Variants in APBB2 observed in about 807,000 individuals in gnomAD.
APBB2 encodes Fe65-like 1.
Under a neutral mutation model 82.5 loss-of-function variants are expected in APBB2, and 38 were observed. The observed-to-expected ratio is 0.46, with a 90% CI of 0.36 to 0.60. The LOEUF is 0.60. APBB2 is among the 20% of genes least tolerant of loss of function. The probability of loss-of-function intolerance (pLI) is 0.00; values close to 1 mark genes in which losing one functional copy is unlikely to be tolerated. For synonymous variants in APBB2, 341 were observed against 368.2 expected, an observed-to-expected ratio of 0.93 and a Z score of 0.85; for missense variants, 772 against 972.3, an observed-to-expected ratio of 0.79 and a Z score of 2.74.
chr4:40,929,489 T>C (rs1483570644), intron 10 of APBB2, among the ~76,000 whole-genome samples: 8 of 152,016 alleles, frequency 5.3e-5, no homozygotes, highest in South Asian at 2.1e-4. Context: ...TTAGTAGAGA[T>C]GGGGTTTCAC....
At chr4:41,084,282 G>A (rs1367519239) in intron 3 of APBB2, among the ~76,000 whole-genome samples, 1 of 152,138 alleles carries the variant, frequency 6.6e-6, no homozygotes, top group East Asian at 1.9e-4. Flanking sequence ...AAATTAACCA[G>A]GCATGGTGGC....
intron 4 of APBB2, among the ~76,000 whole-genome samples, chr4:41,047,763 TG>T (rs762106860): frequency 1.3e-5 from 2 of 152,240 alleles, no homozygotes; most frequent in South Asian, 2.1e-4. Flanking sequence ...GCTGGTAACA[TG>T]GCGACTCCAA....
intron 6 of APBB2, among the ~76,000 whole-genome samples, chr4:40,967,236 G>A (rs1477563298): frequency 6.6e-6 from 1 of 152,126 alleles, no homozygotes; most frequent in Non-Finnish European, 1.5e-5. Flanking sequence ...TCTTCACCTT[G>A]CTCACCCTCT....
At chr4:40,848,454 G>A (rs1183032482) in intron 12 of APBB2, among the ~76,000 whole-genome samples, 3 of 152,164 alleles carry the variant, frequency 2.0e-5, no homozygotes, top group Non-Finnish European at 1.5e-5. Flanking sequence ...CTTTCCTGCC[G>A]TGTAGCTCTG....
chr4:41,111,841 G>A (rs2153982103), intron 2 of APBB2, among the ~76,000 whole-genome samples: 1 of 152,270 alleles, frequency 6.6e-6, no homozygotes, highest in Admixed American at 6.5e-5. Flanking sequence ...CCCTTAACAA[G>A]CAGTCGCCAT....
chr4:40,935,298 CCTCT>C, intron 7 of APBB2, 159 bp from the exon 8 acceptor site: 1 of 596,564 alleles, frequency 1.7e-6, no homozygotes, highest in Non-Finnish European at 2.9e-6. Context: ...TGGCTCACTC[CCTCT>C]ATGTCTAGAT....
At chr4:40,817,910 G>A (rs566259605) in intron 17 of APBB2, among the ~76,000 whole-genome samples, 3 of 152,036 alleles carry the variant, frequency 2.0e-5, no homozygotes, top group African/African-American at 4.8e-5. Flanking sequence ...CACACACATC[G>A]AAAGCACGGA....
At chr4:40,817,357 G>A (rs1746107075) in intron 17 of APBB2, among the ~76,000 whole-genome samples, 1 of 152,100 alleles carries the variant, frequency 6.6e-6, no homozygotes, top group African/African-American at 2.4e-5. Flanking sequence ...GCAGTGAGCT[G>A]TGAGCATGGC....
chr4:40,898,880 C>CACACACACACACACACACAG (rs148917018), intron 10 of APBB2, among the ~76,000 whole-genome samples: 95 of 149,630 alleles, frequency 6.3e-4, no homozygotes, highest in African/African-American at 2.3e-3. Flanking sequence ...CACACACACA[C>CACACACACACACACACACAG]AGAACACTGG....
At chr4:40,992,467 T>G (rs1447298197) in intron 6 of APBB2, among the ~76,000 whole-genome samples, 1 of 152,014 alleles carries the variant, frequency 6.6e-6, no homozygotes, top group African/African-American at 2.4e-5. Context: ...TGTGAGCCAC[T>G]GCACCAGATT....
chr4:40,992,374 T>G (rs1316753249), intron 6 of APBB2, among the ~76,000 whole-genome samples: 1 of 145,384 alleles, frequency 6.9e-6, no homozygotes, highest in Non-Finnish European at 1.5e-5. Flanking sequence ...GGGGGGGTCT[T>G]TCTATGTTGC....
Position 40,835,222 on chromosome 4 carries a change from G to A in APBB2, c.1530-4645C>T, listed in dbSNP as rs185457852. Among the ~76,000 whole-genome samples the A allele has an allele frequency of 5.3e-3, 807 of 151,078 alleles. 10 individuals carry two copies. The highest frequency in any genetic ancestry group is 0.018 in the African/African-American group (758 of 41,040). ...ACCCGGGAGGTGGAGGTTGCAGTGA[G>A]CCGAGATCGCGCCACTGCACTCCAG... On this transcript the variant is annotated intron_variant, in intron 12 of 17. Transcript: ENST00000508593.
At chr4:40,983,527 G>C (rs145745562) in intron 6 of APBB2, among the ~76,000 whole-genome samples, 50 of 151,954 alleles carry the variant, frequency 3.3e-4, no homozygotes, top group Non-Finnish European at 6.3e-4. Context: ...AGCTGACTTA[G>C]TACAATGTCA....
chr4:40,906,464 C>CAAAAAAAAAAA (rs5857755), intron 10 of APBB2, among the ~76,000 whole-genome samples: 8 of 67,990 alleles, frequency 1.2e-4, no homozygotes, highest in African/African-American at 3.9e-4. Flanking sequence ...AAACCTGTCT[C>CAAAAAAAAAAA]AAAAAAAAAA....
chr4:41,110,654 A>G (rs564158807), intron 2 of APBB2, among the ~76,000 whole-genome samples: 2 of 152,168 alleles, frequency 1.3e-5, no homozygotes, highest in East Asian at 3.9e-4. Flanking sequence ...GTACTGACAA[A>G]AATTATTTTA....
At chr4:40,874,389 A>G (rs1766313023) in intron 12 of APBB2, among the ~76,000 whole-genome samples, 1 of 152,202 alleles carries the variant, frequency 6.6e-6, no homozygotes, top group East Asian at 1.9e-4. Flanking sequence ...TTCAGGGATG[A>G]TATTACCAAA....
intron 10 of APBB2, among the ~76,000 whole-genome samples, chr4:40,904,282 T>C (rs954016117): frequency 1.3e-5 from 2 of 151,982 alleles, no homozygotes; most frequent in African/African-American, 2.4e-5. Context: ...AATACAAAAA[T>C]TAGCCGGGCG....
At chr4:40,860,248 G>C (rs1204942107) in intron 12 of APBB2, among the ~76,000 whole-genome samples, 1 of 152,102 alleles carries the variant, frequency 6.6e-6, no homozygotes, top group Non-Finnish European at 1.5e-5. Flanking sequence ...AGTGGCCTTG[G>C]GATACACTAG....
intron 1 of APBB2, among the ~76,000 whole-genome samples, chr4:41,185,758 T>C (rs1249300078): frequency 6.6e-6 from 1 of 152,218 alleles, no homozygotes; most frequent in Non-Finnish European, 1.5e-5. Flanking sequence ...ATAAAGCTGA[T>C]TTCTACCTGG....
Sources: gnomAD v4.1 joint callset for allele counts (sites outside exome capture counted in the v4.1 genomes callset) on GRCh38, gnomAD v4.1.1 for gene constraint, MANE v1.5 for transcripts, NCBI Gene and HGNC (gene_info 2026-07-23, HGNC 2026-07-21) for gene names.